The following GREB1 variants were observed in gnomAD, a reference collection of about 807,000 sequenced individuals.
The protein encoded by GREB1 is protein GREB1.
In GREB1, 106 loss-of-function variants were observed where a neutral mutation model predicts 200.7. That is an observed-to-expected ratio of 0.53 (90% CI 0.45 to 0.62). The LOEUF (loss-of-function observed/expected upper bound fraction) is 0.62. Among genes scored for constraint, GREB1 ranks in the 20% least tolerant of loss-of-function variants. GREB1 has a pLI of 0.00. For missense variants in GREB1, 2,243 were observed against 2,556.8 expected (o/e 0.88, Z 2.65); for synonymous variants, 1,132 against 1,092.4 (o/e 1.04, Z -0.72).
chr2:11,589,816 A>G (rs955798885), intron 10 of GREB1, among the ~76,000 whole-genome samples: 1 of 152,088 alleles, frequency 6.6e-6, no homozygotes, highest in Non-Finnish European at 1.5e-5. Context: ...GTGGGAGCAG[A>G]TGGGGCCTGG....
rs372686737 is a variant in GREB1 at position 11,595,281 on chromosome 2, G to C, written c.1727G>C (p.Ser576Thr). Residue 576 changes from serine (S) to threonine (T), a missense_variant, in exon 12 of 33, where the codon AGC becomes ACC. Ser to Thr is a moderately conservative substitution (Grantham distance 58). Coordinates refer to ENST00000381486, the MANE Select transcript of GREB1 (RefSeq NM_014668.4). ...TACCAAGCCCGGATTCTTTCCGAGA[G>C]CCTTCTCACTCCTGCGGAGTACCAG... The part of the protein sequence containing the change: ...GKYQARILSE[S>T]LLTPAEYQKE... The C allele has an allele frequency of 3.1e-6, 5 of 1,613,590 alleles. No homozygotes were observed. The highest frequency in any genetic ancestry group is 2.5e-6 in the Non-Finnish European group (3 of 1,179,680).
intron 22 of GREB1, among the ~76,000 whole-genome samples, chr2:11,619,120 C>A (rs895756919): frequency 6.6e-6 from 1 of 152,180 alleles, no homozygotes; most frequent in Non-Finnish European, 1.5e-5. Context: ...GGCTTCCATT[C>A]CTCCCCTGTG....
At position 11,580,631 on chromosome 2, in the gene GREB1, G is replaced by T. The variant is rs1679371254; in HGVS notation, c.773-73G>T. 2 of 1,505,198 alleles carry T rather than the reference G, an allele frequency of 1.3e-6. No individual in the cohort carries two copies. The highest frequency in any genetic ancestry group is 2.3e-5 in the East Asian group (1 of 44,030). The allele number at this position is 1,505,198 out of a possible 1,614,324, so 93.2% of individuals were successfully genotyped here. On this transcript the variant is annotated intron_variant, in intron 6 of 32. Transcript: ENST00000381486. This position sits in a 1 kb window ranked among gnomAD's most constrained non-coding sequence, Gnocchi z 4.5. ...TAGTTTGTGAAACTGCAAGGAAAAT[G>T]ATTTCCTCCTTGCCTGGCTCCCAGG... is the stretch of plus-strand genomic sequence containing the variant.
intron 1 of GREB1, among the ~76,000 whole-genome samples, chr2:11,526,205 T>A (rs1391305212): frequency 2.0e-5 from 3 of 152,206 alleles, no homozygotes; most frequent in African/African-American, 4.8e-5. Flanking sequence ...TTTGCCACAT[T>A]TCTTTCTTTT....
chr2:11,506,110 C>A (rs1011221770), intron 1 of GREB1, among the ~76,000 whole-genome samples: 2 of 152,104 alleles, frequency 1.3e-5, no homozygotes, highest in Admixed American at 1.3e-4. Flanking sequence ...GTATGTCAGG[C>A]ACCAAGAACA....
intron 10 of GREB1, chr2:11,591,282 CCGTGTTAT>C (rs1474258645): frequency 2.9e-6 from 2 of 690,088 alleles, no homozygotes; most frequent in Non-Finnish European, 2.7e-6. Context: ...GTCATGAACC[CCGTGTTAT>C]GCATCAGGAA....
At chr2:11,509,345 G>A (rs1673285609) in intron 1 of GREB1, among the ~76,000 whole-genome samples, 1 of 151,964 alleles carries the variant, frequency 6.6e-6, no homozygotes, top group African/African-American at 2.4e-5. Flanking sequence ...AAAAAAATTA[G>A]CAACATGTGG....
chr2:11,498,916 A>G (rs1329367413), intron 1 of GREB1, among the ~76,000 whole-genome samples: 2 of 152,236 alleles, frequency 1.3e-5, no homozygotes, highest in African/African-American at 2.4e-5. Context: ...TTAAAAACCT[A>G]TGCAGAGAAC....
chr2:11,557,152 G>A (rs1676504673), intron 2 of GREB1, among the ~76,000 whole-genome samples: 1 of 152,140 alleles, frequency 6.6e-6, no homozygotes, highest in African/African-American at 2.4e-5. Context: ...CTATATCTTT[G>A]CAAAGTAATA....
rs1329672792 is a variant in GREB1, at chr2:11,630,027, C to T, written c.4529C>T (p.Pro1510Leu). The T allele has an allele frequency of 1.2e-6, 2 of 1,614,156 alleles. No individual in the cohort carries two copies. Among genetic ancestry groups the T allele is most frequent in the Non-Finnish European group, 1.7e-6 (2 of 1,180,016 alleles). The stretch of plus-strand genomic sequence containing the variant: ...GAGATCCAGCTGCACTTCATCATCC[C>T]CAAGTCCAAGGAGCACCACTTTGTC... ...GEEIQLHFII[P>L]KSKEHHFVFS... The change falls in exon 26 of 33, where the codon CCC becomes CTC. Residue 1510 changes from proline to leucine, a missense_variant. Physicochemically the swap from Pro to Leu is moderately conservative, Grantham distance 98. Coordinates refer to ENST00000381486, the MANE Select transcript of GREB1 (RefSeq NM_014668.4).
chr2:11,554,213 GC>G (rs1676216077), intron 1 of GREB1, among the ~76,000 whole-genome samples: 1 of 152,114 alleles, frequency 6.6e-6, no homozygotes, highest in Non-Finnish European at 1.5e-5. Flanking sequence ...TTTTGTTGGG[GC>G]TAATTCCTGA....
At chr2:11,490,214 C>T (rs1163949761) in intron 1 of GREB1, among the ~76,000 whole-genome samples, 1 of 152,178 alleles carries the variant, frequency 6.6e-6, no homozygotes, top group South Asian at 2.1e-4. Context: ...CTGCCCACAT[C>T]CTCCTCTCCC....
chr2:11,596,176 C>T lies in GREB1; in HGVS notation c.1891C>T (p.Leu631Phe), dbSNP rs1265690869. The part of the protein sequence containing the change: ...QENQGHISSS[L>F]AASSVTKAAS... ...AAATCAAGGCCATATTTCTTCCTCA[C>T]TCGCTGCCTCTTCTGTCACTAAAGC... The change falls in exon 13 of 33, where the codon CTC becomes TTC. Residue 631 changes from leucine to phenylalanine, a missense_variant. Coordinates refer to ENST00000381486, the MANE Select transcript of GREB1 (RefSeq NM_014668.4). 6.2e-7 allele frequency: 1 copy of T among 1,613,454 alleles called. No homozygotes were observed. Among genetic ancestry groups the T allele is most frequent in the East Asian group, 2.2e-5 (1 of 44,882 alleles).
intron 1 of GREB1, among the ~76,000 whole-genome samples, chr2:11,516,625 T>G (rs1673511668): frequency 6.6e-6 from 1 of 152,146 alleles, no homozygotes; most frequent in Non-Finnish European, 1.5e-5. Flanking sequence ...GAATCTCACC[T>G]TTCTTACTAA....
intron 1 of GREB1, among the ~76,000 whole-genome samples, chr2:11,545,416 G>C (rs1224844390): frequency 6.6e-6 from 1 of 152,194 alleles, no homozygotes; most frequent in Non-Finnish European, 1.5e-5. Flanking sequence ...ACAGGCATGA[G>C]CCACTGCACC....
intron 17 of GREB1, among the ~76,000 whole-genome samples, chr2:11,608,915 C>T (rs4669756): frequency 0.98 from 149,915 of 152,296 alleles, 73,801 homozygotes; most frequent in Non-Finnish European, 1. Flanking sequence ...TTGGCTTTCC[C>T]GGAATCTGAT....
rs1205635774 is a variant in GREB1, at chr2:11,620,324, A to G, written c.4045-581A>G. ...TACAGGGAGGGTACTGGGCCAGACC[A>G]TGGGTACTTCTCAATCAGTAATAAC... is the stretch of plus-strand genomic sequence containing the variant. On this transcript the variant is annotated intron_variant, in intron 22 of 32. Coordinates refer to ENST00000381486, the MANE Select transcript of GREB1 (RefSeq NM_014668.4). Among the ~76,000 whole-genome samples the G allele has an allele frequency of 3.9e-5, 6 of 152,156 alleles. No individual in the cohort carries two copies. The East Asian group carries it at 1.2e-3, about 29-fold the overall frequency.
rs751981853 is a variant in GREB1 at position 11,626,958 on chromosome 2, G to A, written c.4307-4G>A. 1.2e-6 allele frequency: 2 copies of A among 1,614,130 alleles called. No homozygotes were observed. The highest frequency in any genetic ancestry group is 1.7e-6 in the Non-Finnish European group (2 of 1,179,966). ...GCTTTTTAATCCTGGGGAATTTGGTGCAGACAGAGGGATGTCCCGGAAGCC... is the reference window on the plus strand; with the variant it reads ...GCTTTTTAATCCTGGGGAATTTGGTACAGACAGAGGGATGTCCCGGAAGCC... On this transcript the variant is annotated splice_region_variant and splice_polypyrimidine_tract_variant and intron_variant, in intron 24 of 32. Coordinates refer to ENST00000381486, the MANE Select transcript of GREB1 (RefSeq NM_014668.4).
chr2:11,504,470 C>T (rs1558487758), intron 1 of GREB1, among the ~76,000 whole-genome samples: 1 of 152,202 alleles, frequency 6.6e-6, no homozygotes, highest in Non-Finnish European at 1.5e-5. Flanking sequence ...AGTTATGCCA[C>T]CACCTCCATG....
Sources: allele counts gnomAD v4.1 joint callset (sites outside exome capture counted in the v4.1 genomes callset), GRCh38; gene constraint gnomAD v4.1.1; non-coding constraint Gnocchi (gnomAD v3.1); transcripts MANE v1.5; gene names NCBI Gene and HGNC (gene_info 2026-07-23, HGNC 2026-07-21).